DGLUCY: variants seen among roughly 807,000 people sequenced by gnomAD.
The protein encoded by DGLUCY is D-glutamate cyclase.
Under a neutral mutation model 58.5 loss-of-function variants are expected in DGLUCY, and 58 were observed. The ratio of observed to expected loss-of-function variants is 0.99; its 90% CI spans 0.80 to 1.23. The LOEUF (loss-of-function observed/expected upper bound fraction) is 1.23, where lower values mean the gene tolerates loss of function less well. Ranked by LOEUF, DGLUCY falls within the 50% of genes most tolerant of loss-of-function variation. DGLUCY has a pLI of 0.00. For missense variants in DGLUCY, 779 were observed against 784.7 expected, an observed-to-expected ratio of 0.99 and a Z score of 0.09; for synonymous variants, 325 against 314.1, an observed-to-expected ratio of 1.03 and a Z score of -0.37.
intron 12 of DGLUCY, among the ~76,000 whole-genome samples, chr14:91,210,203 T>G (rs1293419867): frequency 6.6e-6 from 1 of 152,082 alleles, no homozygotes; most frequent in Non-Finnish European, 1.5e-5. Context: ...AGGCAGAGGT[T>G]GCAGTGAGCC....
chr14:91,221,189 G>A (rs948156711), intron 13 of DGLUCY, among the ~76,000 whole-genome samples: 2 of 152,256 alleles, frequency 1.3e-5, no homozygotes, highest in Non-Finnish European at 2.9e-5. Flanking sequence ...CCAGGGCATA[G>A]CAGCCATGTG....
intron 1 of DGLUCY, among the ~76,000 whole-genome samples, chr14:91,084,884 A>G (rs1025854353): frequency 2.0e-5 from 3 of 152,116 alleles, no homozygotes; most frequent in Non-Finnish European, 4.4e-5. Context: ...GGAGAGCCTG[A>G]GATTTTGTGT....
chr14:91,195,665 G>T (rs1413213668), intron 9 of DGLUCY, among the ~76,000 whole-genome samples: 26 of 134,908 alleles, frequency 1.9e-4, no homozygotes, highest in African/African-American at 6.7e-4. Context: ...GGTTTTTTGG[G>T]TTTTGTTTTT....
intron 1 of DGLUCY, among the ~76,000 whole-genome samples, chr14:91,081,703 C>A (rs2044130348): frequency 1.3e-5 from 2 of 152,054 alleles, no homozygotes; most frequent in African/African-American, 2.4e-5. Flanking sequence ...AAGGCCATCT[C>A]TCCAGCCTCT....
chr14:91,104,299 T>C (rs2044550063), upstream of DGLUCY, among the ~76,000 whole-genome samples: 1 of 151,894 alleles, frequency 6.6e-6, no homozygotes, highest in Admixed American at 6.6e-5. Flanking sequence ...CCTGACCTCG[T>C]GATCCGCCCT....
intron 1 of DGLUCY, among the ~76,000 whole-genome samples, chr14:91,116,774 T>C (rs1319691584): frequency 6.6e-6 from 1 of 152,002 alleles, no homozygotes; most frequent in Admixed American, 6.6e-5. Flanking sequence ...TGAAACCCCA[T>C]CTCTATTAAA....
chr14:91,126,145 C>A (rs888589227), intron 1 of DGLUCY, among the ~76,000 whole-genome samples: 7 of 152,174 alleles, frequency 4.6e-5, no homozygotes, highest in Non-Finnish European at 8.8e-5. Flanking sequence ...GCTGCCACAA[C>A]AAATCCCAAC....
intron 3 of DGLUCY, among the ~76,000 whole-genome samples, chr14:91,162,402 T>C (rs1254280118): frequency 6.6e-6 from 1 of 152,106 alleles, no homozygotes; most frequent in East Asian, 1.9e-4. Flanking sequence ...AGCTGGGGGA[T>C]GCACAAATCA....
At chr14:91,099,248 A>G (rs961368232) in intron 1 of DGLUCY, among the ~76,000 whole-genome samples, 9 of 152,176 alleles carry the variant, frequency 5.9e-5, no homozygotes, top group African/African-American at 1.7e-4. Flanking sequence ...AATGCCCTTC[A>G]CTGGCCAGGC....
At chr14:91,074,766 A>G (rs76576107) in intron 1 of DGLUCY, among the ~76,000 whole-genome samples, 2 of 152,262 alleles carry the variant, frequency 1.3e-5, no homozygotes, top group East Asian at 3.9e-4. Context: ...GAAGAGGCAA[A>G]ATGTTTATAA....
chr14:91,148,800 T>G (rs1383811591), intron 1 of DGLUCY: 1 of 151,624 alleles, frequency 6.6e-6, no homozygotes, highest in African/African-American at 2.4e-5. Context: ...AATACAGAAG[T>G]TAGCCAGGCA....
chr14:91,128,568 G>A (rs2045857782), intron 1 of DGLUCY, among the ~76,000 whole-genome samples: 1 of 151,990 alleles, frequency 6.6e-6, no homozygotes, highest in African/African-American at 2.4e-5. Context: ...TATATAACTG[G>A]GAAGCAGGAA....
intron 1 of DGLUCY, among the ~76,000 whole-genome samples, chr14:91,082,367 G>C (rs1242697547): frequency 6.6e-6 from 1 of 152,166 alleles, no homozygotes; most frequent in Non-Finnish European, 1.5e-5. Context: ...TGACTCTGTT[G>C]TTCTTGGGCT....
At chr14:91,066,717 A>G (rs1310172534) in intron 1 of DGLUCY, among the ~76,000 whole-genome samples, 1 of 152,204 alleles carries the variant, frequency 6.6e-6, no homozygotes, top group Non-Finnish European at 1.5e-5. Flanking sequence ...AAACAAAATG[A>G]TAGTAAGTTC....
At position 91,067,400 on chromosome 14, in the gene DGLUCY, C is replaced by G. The variant is rs144419809; in HGVS notation, c.-82+6696C>G. On this transcript the variant is annotated intron_variant, in intron 1 of 4. Transcript: ENST00000521334. ...TTTAGGCAATGTGAGCAGGAAGTTC[C>G]TCACCTTTGCATTTATAGGAAGTAG... Among the ~76,000 whole-genome samples the G allele has an allele frequency of 2.3e-3, 347 of 152,286 alleles. 1 individual carries two copies. The highest frequency in any genetic ancestry group is 7.7e-3 in the African/African-American group (319 of 41,568).
At chr14:91,181,794 G>A (rs1311221560) in intron 8 of DGLUCY, among the ~76,000 whole-genome samples, 4 of 150,752 alleles carry the variant, frequency 2.7e-5, no homozygotes, top group Admixed American at 6.6e-5. Flanking sequence ...TTACAGGCAC[G>A]CTCCACCACA....
At chr14:91,143,472 A>G (rs1309730303) in intron 1 of DGLUCY, among the ~76,000 whole-genome samples, 6 of 152,210 alleles carry the variant, frequency 3.9e-5, no homozygotes, top group Non-Finnish European at 7.3e-5. Flanking sequence ...CAAGAGGACA[A>G]AGCCTTAGGT....
At position 91,176,044 on chromosome 14, in the gene DGLUCY, G is replaced by A. The variant is rs148400411; in HGVS notation, c.718G>A (p.Val240Ile). The A allele has an allele frequency of 5.0e-6, 8 of 1,613,976 alleles. No homozygotes were observed. The highest frequency in any genetic ancestry group is 6.8e-6 in the Non-Finnish European group (8 of 1,179,870). ...TTCTCCGCTGACCAGTCTCGGAGCTGTCAGCAGCTGTGGTACGTTGGGGGA... is the reference window on the plus strand; with the variant it reads ...TTCTCCGCTGACCAGTCTCGGAGCTATCAGCAGCTGTGGTACGTTGGGGGA... ...WPSPLTSLGA[V>I]SSCETPLAFA... The change falls in exon 7 of 14, where the codon GTC becomes ATC. Residue 240 changes from valine (V) to isoleucine (I), a missense_variant. Transcript: ENST00000256324.
At chr14:91,136,428 A>G (rs560591002) in intron 1 of DGLUCY, among the ~76,000 whole-genome samples, 5 of 151,916 alleles carry the variant, frequency 3.3e-5, no homozygotes, top group South Asian at 2.1e-4. Flanking sequence ...CACACCTGTA[A>G]CCCCAGCACT....
Sources: allele counts gnomAD v4.1 joint callset (sites outside exome capture counted in the v4.1 genomes callset), GRCh38; gene constraint gnomAD v4.1.1; transcripts MANE v1.5; gene names NCBI Gene and HGNC (gene_info 2026-07-23, HGNC 2026-07-21).